Variants in FARP1 observed in about 807,000 individuals in gnomAD.
FARP1 encodes the protein FERM, ARH/RhoGEF and pleckstrin domain protein 1.
FARP1 carries 52 observed loss-of-function variants against 128.8 expected under a neutral mutation model. The observed-to-expected ratio is 0.40, with a 90% CI of 0.32 to 0.51. The LOEUF (loss-of-function observed/expected upper bound fraction) is 0.51, where lower values mean the gene tolerates loss of function less well. FARP1 is among the 20% of genes least tolerant of loss of function. FARP1 has a pLI of 0.45. For missense variants in FARP1, 1,333 were observed against 1,367.9 expected, an observed-to-expected ratio of 0.97 and a Z score of 0.40; for synonymous variants, 580 against 551.8, an observed-to-expected ratio of 1.05 and a Z score of -0.72.
chr13:98,306,825 C>T (rs1169691275), intron 2 of FARP1, among the ~76,000 whole-genome samples: 1 of 152,180 alleles, frequency 6.6e-6, no homozygotes, highest in Non-Finnish European at 1.5e-5. Context: ...TGCCCGGCCT[C>T]TAGCTCCAAA....
At chr13:98,237,372 T>C (rs1244156458) in intron 2 of FARP1, among the ~76,000 whole-genome samples, 2 of 152,094 alleles carry the variant, frequency 1.3e-5, no homozygotes, top group South Asian at 2.1e-4. Flanking sequence ...GTGGCACCGA[T>C]TGCAGTTGAG....
intron 2 of FARP1, among the ~76,000 whole-genome samples, chr13:98,339,325 G>T (rs555523694): frequency 7.2e-5 from 11 of 152,096 alleles, no homozygotes; most frequent in African/African-American, 2.4e-4. Context: ...GAGCCCAAAG[G>T]GGGAGGTGCC....
chr13:98,192,818 T>C (rs1228780809), intron 1 of FARP1, among the ~76,000 whole-genome samples: 2 of 152,238 alleles, frequency 1.3e-5, no homozygotes, highest in Non-Finnish European at 2.9e-5. Flanking sequence ...AGAAATTTGC[T>C]TGTACAAGTA....
chr13:98,448,743 GTTT>G lies in FARP1; in HGVS notation c.*427_*429del, dbSNP rs1893028357. On this transcript the variant is annotated 3_prime_UTR_variant, in exon 27 of 27. Coordinates refer to ENST00000319562, the MANE Select transcript of FARP1 (RefSeq NM_005766.4). ...TTACGAAGTGGACTTCCCGGTGTTT[GTTT>G]GTTTGTTTGCAATACACTCAGTGCA... 1 of 159,536 alleles carries G rather than the reference GTTT, an allele frequency of 6.3e-6. No individual in the cohort carries two copies. Among genetic ancestry groups the G allele is most frequent in the Admixed American group, 6.3e-5 (1 of 15,980 alleles). 9.9% of individuals were successfully genotyped at this position (159,536 alleles called of 1,614,324 possible). A position where few individuals can be genotyped will look rare whatever the true frequency, so the allele number is the denominator to read the frequency against.
intron 1 of FARP1, among the ~76,000 whole-genome samples, chr13:98,152,755 GTTAA>G (rs148140112): frequency 0.26 from 38,800 of 151,956 alleles, 5,872 homozygotes; most frequent in East Asian, 0.5. Flanking sequence ...ATTTCTACCT[GTTAA>G]TTATGTGGAA....
At chr13:98,323,764 A>T (rs1887109450) in intron 2 of FARP1, among the ~76,000 whole-genome samples, 1 of 152,214 alleles carries the variant, frequency 6.6e-6, no homozygotes, top group African/African-American at 2.4e-5. Flanking sequence ...ATAAGAAAAA[A>T]ATCTCCAATT....
chr13:98,208,823 G>A (rs1011100815), intron 1 of FARP1, among the ~76,000 whole-genome samples: 1 of 152,056 alleles, frequency 6.6e-6, no homozygotes, highest in African/African-American at 2.4e-5. Flanking sequence ...GCCAGCCCTT[G>A]TGTCTATGGT....
At chr13:98,330,698 T>C (rs895629447) in intron 2 of FARP1, among the ~76,000 whole-genome samples, 3 of 151,552 alleles carry the variant, frequency 2.0e-5, no homozygotes, top group Admixed American at 6.6e-5. Flanking sequence ...GAGGTTGCAG[T>C]GCGCCAAGAT....
At chr13:98,231,055 T>G (rs1882081577) in intron 2 of FARP1, among the ~76,000 whole-genome samples, 1 of 152,068 alleles carries the variant, frequency 6.6e-6, no homozygotes, top group Non-Finnish European at 1.5e-5. Context: ...AGGGGGGAAC[T>G]GCCCCCCCCA....
chr13:98,301,700 A>G (rs933133915), intron 2 of FARP1, among the ~76,000 whole-genome samples: 2 of 152,184 alleles, frequency 1.3e-5, no homozygotes, highest in African/African-American at 4.8e-5. Flanking sequence ...TTGGGGGGAA[A>G]TCAAGTCCCC....
At chr13:98,325,173 T>C (rs1201228764) in intron 2 of FARP1, among the ~76,000 whole-genome samples, 2 of 152,254 alleles carry the variant, frequency 1.3e-5, no homozygotes, top group African/African-American at 4.8e-5. Flanking sequence ...ATGCATTTGA[T>C]GTTGGAATAG....
At chr13:98,153,532 A>T (rs1160041953) in intron 1 of FARP1, among the ~76,000 whole-genome samples, 2 of 91,462 alleles carry the variant, frequency 2.2e-5, no homozygotes, top group South Asian at 3.7e-4. Context: ...TATATATATT[A>T]TATATAAATA....
chr13:98,201,484 GAT>G, intron 1 of FARP1, among the ~76,000 whole-genome samples: 1 of 152,294 alleles, frequency 6.6e-6, no homozygotes, highest in Middle Eastern at 3.4e-3. Flanking sequence ...GTGCCAGGAA[GAT>G]ACAAGAGTGT....
intron 1 of FARP1, among the ~76,000 whole-genome samples, chr13:98,152,414 G>A (rs1418256752): frequency 6.6e-6 from 1 of 152,144 alleles, no homozygotes; most frequent in East Asian, 1.9e-4. Context: ...ATGTTTGTGT[G>A]CACTTAAAAG....
intron 2 of FARP1, among the ~76,000 whole-genome samples, chr13:98,263,102 G>A (rs1883955952): frequency 1.3e-5 from 2 of 151,990 alleles, no homozygotes; most frequent in South Asian, 4.2e-4. Flanking sequence ...TCCACCTCCC[G>A]GTTTCAAGCG....
rs34861204 is a variant in FARP1, at chr13:98,200,387, A to ACCCCCCCCCCCCCC, written c.-23-12822_-23-12821insCCCCCCCCCCCCCC. Among the ~76,000 whole-genome samples the ACCCCCCCCCCCCCC allele has an allele frequency of 3.1e-4, 39 of 127,538 alleles. 1 individual carries two copies. The highest frequency in any genetic ancestry group is 1.2e-3 in the African/African-American group (38 of 32,590). The allele number at this position is 127,538 out of a possible 152,430, so 83.7% of individuals were successfully genotyped here. A position where few individuals can be genotyped will look rare whatever the true frequency, so the allele number is the denominator to read the frequency against. On this transcript the variant is annotated intron_variant, in intron 1 of 26. Transcript: ENST00000319562. ...CAGAATCACCTGGAATGCAACCTTCACCCCCCCCCCCTCCCCTTTGTGATT... is the reference window on the plus strand; with the variant it reads ...CAGAATCACCTGGAATGCAACCTTCACCCCCCCCCCCCCCCCCCCCCCCCCTCCCCTTTGTGATT...
At chr13:98,220,656 A>G (rs527296578) in intron 2 of FARP1, among the ~76,000 whole-genome samples, 1 of 152,274 alleles carries the variant, frequency 6.6e-6, no homozygotes, top group Non-Finnish European at 1.5e-5. Context: ...TAGAGGAAAA[A>G]AATTTTTTTC....
chr13:98,437,209 G>A (rs1291733798), intron 19 of FARP1, among the ~76,000 whole-genome samples: 1 of 152,206 alleles, frequency 6.6e-6, no homozygotes, highest in Non-Finnish European at 1.5e-5. Flanking sequence ...GAAGCATTTT[G>A]CTCTATCACA....
intron 2 of FARP1, among the ~76,000 whole-genome samples, chr13:98,250,262 A>G (rs1286180659): frequency 6.6e-6 from 1 of 152,206 alleles, no homozygotes; most frequent in African/African-American, 2.4e-5. Context: ...ATCTGAAACC[A>G]TATGTGTTTT....
Sources: allele counts gnomAD v4.1 joint callset (sites outside exome capture counted in the v4.1 genomes callset), GRCh38; gene constraint gnomAD v4.1.1; transcripts MANE v1.5; gene names NCBI Gene and HGNC (gene_info 2026-07-23, HGNC 2026-07-21).